ANO6: variants seen among roughly 807,000 people sequenced by gnomAD.
ANO6 encodes the protein anoctamin 6, also known as anoctamin-6.
ANO6 carries 106 observed loss-of-function variants against 117.5 expected under a neutral mutation model. That is an observed-to-expected ratio of 0.90 (90% confidence interval 0.77 to 1.06). The LOEUF is 1.06. ANO6 is among the 50% of genes least tolerant of loss of function. The probability of loss-of-function intolerance (pLI) is 0.00; values close to 1 mark genes in which losing one functional copy is unlikely to be tolerated. For missense variants in ANO6, 955 were observed against 1,121.1 expected (o/e 0.85, Z 2.12); for synonymous variants, 367 against 385.1 (o/e 0.95, Z 0.55).
intron 8 of ANO6, among the ~76,000 whole-genome samples, chr12:45,360,122 A>C (rs1941516428): frequency 6.6e-6 from 1 of 152,140 alleles, no homozygotes; most frequent in Admixed American, 6.5e-5. Context: ...TTTATTGTTG[A>C]GTTGTAAGCA....
intron 2 of ANO6, among the ~76,000 whole-genome samples, chr12:45,309,339 T>C (rs1939775832): frequency 6.6e-6 from 1 of 152,086 alleles, no homozygotes. Flanking sequence ...TTATAGACTT[T>C]AGGAAGCTTT....
At chr12:45,378,595 ATTG>A (rs772363881) in intron 10 of ANO6, among the ~76,000 whole-genome samples, 5 of 152,186 alleles carry the variant, frequency 3.3e-5, no homozygotes, top group Non-Finnish European at 7.3e-5. Flanking sequence ...TTTTAAGCCT[ATTG>A]TTGCACCAAG....
downstream of ANO6, among the ~76,000 whole-genome samples, chr12:45,432,859 A>T (rs1196934516): frequency 2.6e-5 from 4 of 152,168 alleles, no homozygotes; most frequent in Non-Finnish European, 4.4e-5. Context: ...CATTACTGAG[A>T]GGCAATATGT....
At chr12:45,355,280 G>A (rs1941381173) in intron 7 of ANO6, among the ~76,000 whole-genome samples, 1 of 152,116 alleles carries the variant, frequency 6.6e-6, no homozygotes, top group Non-Finnish European at 1.5e-5. Flanking sequence ...ATTATTTCCA[G>A]CTTTTCAGCA....
intron 12 of ANO6, among the ~76,000 whole-genome samples, chr12:45,397,300 A>G (rs1942644455): frequency 6.6e-6 from 1 of 152,188 alleles, no homozygotes; most frequent in Admixed American, 6.5e-5. Flanking sequence ...ACCATCTCAC[A>G]CCAGTTAGAA....
At chr12:45,282,610 G>A (rs2137258074) in intron 1 of ANO6, among the ~76,000 whole-genome samples, 1 of 152,266 alleles carries the variant, frequency 6.6e-6, no homozygotes, top group South Asian at 2.1e-4. Flanking sequence ...GACTGATGGG[G>A]GCTGAGTCCA....
At position 45,348,014 on chromosome 12, in the gene ANO6, T is replaced by C. The variant is rs1367389614; in HGVS notation, c.346-14T>C. On this transcript the variant is annotated splice_polypyrimidine_tract_variant and intron_variant, in intron 4 of 19. Transcript: ENST00000320560. ...GTTGGTTTCTTGTTCTGCGTTTTTA[T>C]TTTTCCAATATAGGTATTGGATGAC... 2 of 1,612,048 alleles carry C rather than the reference T, an allele frequency of 1.2e-6. No homozygotes were observed. The highest frequency in any genetic ancestry group is 2.2e-5 in the East Asian group (1 of 44,878).
Position 45,378,062 on chromosome 12 carries a change from A to C in ANO6, c.1114A>C (p.Ile372Leu). 1 of 1,613,102 alleles carries C rather than the reference A, an allele frequency of 6.2e-7. No homozygotes were observed. Among genetic ancestry groups the C allele is most frequent in the Non-Finnish European group, 8.5e-7 (1 of 1,179,636 alleles). Residue 372 changes from isoleucine to leucine, a missense_variant, in exon 10 of 20, where the codon ATC becomes CTC. Ile to Leu is a conservative substitution (Grantham distance 5). Transcript: ENST00000320560. Reference sequence around the variant, plus strand: ...CATTTATATTTTCCAGAAATTGTGCATCTTCGACAGTTTTGGAACCCTGGT... The same window carrying C: ...CATTTATATTTTCCAGAAATTGTGCCTCTTCGACAGTTTTGGAACCCTGGT... ...ITCESSKKLCIFDSFGTLVFA... is the reference protein window; with the variant it reads ...ITCESSKKLCLFDSFGTLVFA...
At chr12:45,330,665 G>A (rs1021474339) in intron 2 of ANO6, among the ~76,000 whole-genome samples, 7 of 152,038 alleles carry the variant, frequency 4.6e-5, no homozygotes, top group Non-Finnish European at 1.0e-4. Flanking sequence ...TTTTGTTGTT[G>A]CTGGTTCTTT....
rs562357087 is a variant in ANO6 at position 45,388,165 on chromosome 12, C to T, written c.1170C>T (p.Thr390=). The T allele has an allele frequency of 6.2e-7, 1 of 1,613,716 alleles. No homozygotes were observed. The highest frequency in any genetic ancestry group is 8.5e-7 in the Non-Finnish European group (1 of 1,179,832). The change falls in exon 11 of 20, where the codon ACC becomes ACT. Residue 390 remains threonine, a synonymous_variant. Transcript: ENST00000320560. ...GCTCTTCTGTCTCTCTGTTAGTTAC[C>T]TTGTTTTTGGAGTTTTGGAAGCGAC... is the stretch of plus-strand genomic sequence containing the variant. ...VFAVFMGVWV[T]LFLEFWKRRQ...
intron 1 of ANO6, among the ~76,000 whole-genome samples, chr12:45,237,361 C>CT (rs1448608019): frequency 6.6e-6 from 1 of 152,158 alleles, no homozygotes; most frequent in Non-Finnish European, 1.5e-5. Flanking sequence ...GGTTTTAGGT[C>CT]TAACTTAAGT....
At chr12:45,420,780 G>A (rs866557196) in intron 17 of ANO6, among the ~76,000 whole-genome samples, 3 of 152,262 alleles carry the variant, frequency 2.0e-5, no homozygotes, top group African/African-American at 7.2e-5. Context: ...GGAGGCTGAG[G>A]TGGGCAGATC....
chr12:45,294,031 G>T (rs533959391), intron 1 of ANO6, among the ~76,000 whole-genome samples: 1 of 152,234 alleles, frequency 6.6e-6, no homozygotes, highest in Admixed American at 6.5e-5. Flanking sequence ...CAGTGACATT[G>T]AAAGAAAAAT....
At chr12:45,307,672 C>T (rs1042707700) in intron 2 of ANO6, among the ~76,000 whole-genome samples, 1 of 151,928 alleles carries the variant, frequency 6.6e-6, no homozygotes, top group Non-Finnish European at 1.5e-5. Context: ...ATGAGAGCAG[C>T]AAGGAAAGGA....
At chr12:45,391,807 C>T (rs890215388) in intron 12 of ANO6, among the ~76,000 whole-genome samples, 4 of 151,996 alleles carry the variant, frequency 2.6e-5, no homozygotes, top group African/African-American at 7.3e-5. Flanking sequence ...TGCAGGGAGC[C>T]GAGACTGCAC....
At chr12:45,252,791 G>A (rs1937671280) in intron 1 of ANO6, among the ~76,000 whole-genome samples, 1 of 152,166 alleles carries the variant, frequency 6.6e-6, no homozygotes, top group Non-Finnish European at 1.5e-5. Context: ...TTTACGTTTT[G>A]TATATAATGG....
rs768091706 is a variant in ANO6 at position 45,416,690 on chromosome 12, C to A, written c.2012-9C>A. The A allele has an allele frequency of 6.2e-7, 1 of 1,611,690 alleles. No individual in the cohort carries two copies. Among genetic ancestry groups the A allele is most frequent in the Non-Finnish European group, 8.5e-7 (1 of 1,177,876 alleles). On this transcript the variant is annotated splice_polypyrimidine_tract_variant and intron_variant, in intron 16 of 19. Transcript: ENST00000320560. Reference sequence around the variant, plus strand: ...ACCACTCCATGATGTGTGTCCATTCCATTGACAGTTATTCAGTTTGGGTTC... The same window carrying A: ...ACCACTCCATGATGTGTGTCCATTCAATTGACAGTTATTCAGTTTGGGTTC...
intron 2 of ANO6, among the ~76,000 whole-genome samples, chr12:45,305,176 A>C (rs145874153): frequency 6.6e-6 from 1 of 152,270 alleles, no homozygotes; most frequent in Non-Finnish European, 1.5e-5. Context: ...AATGTGTTGA[A>C]ACTAGAAACT....
At chr12:45,382,511 C>T (rs1433147330) in intron 10 of ANO6, among the ~76,000 whole-genome samples, 1 of 152,194 alleles carries the variant, frequency 6.6e-6, no homozygotes, top group Non-Finnish European at 1.5e-5. Flanking sequence ...CTCCTCCCCA[C>T]AGTCAAGGTG....
Sources: allele counts gnomAD v4.1 joint callset (sites outside exome capture counted in the v4.1 genomes callset), GRCh38; gene constraint gnomAD v4.1.1; transcripts MANE v1.5; gene names NCBI Gene and HGNC (gene_info 2026-07-23, HGNC 2026-07-21).